Variants in PPFIA2 observed in about 807,000 individuals in gnomAD.
PPFIA2 encodes the protein PPFI scaffold protein A2.
In PPFIA2, 46 loss-of-function variants were observed where a neutral mutation model predicts 175.5. That is an observed-to-expected ratio of 0.26 (90% confidence interval 0.21 to 0.34). PPFIA2 has a LOEUF of 0.34. Among genes scored for constraint, PPFIA2 ranks in the 10% least tolerant of loss-of-function variants. PPFIA2 has a pLI of 1.00. For synonymous variants in PPFIA2, 568 were observed against 511.4 expected, an observed-to-expected ratio of 1.11 and a Z score of -1.49; for missense variants, 1,179 against 1,506.1, an observed-to-expected ratio of 0.78 and a Z score of 3.60.
intron 3 of PPFIA2, among the ~76,000 whole-genome samples, chr12:81,677,557 A>G (rs1285473307): frequency 6.6e-6 from 1 of 151,000 alleles, no homozygotes; most frequent in Non-Finnish European, 1.5e-5. Flanking sequence ...CCATGAGATC[A>G]TTTTTTTTTA....
chr12:81,432,631 G>T (rs1360329421), intron 7 of PPFIA2, among the ~76,000 whole-genome samples: 2 of 151,590 alleles, frequency 1.3e-5, no homozygotes, highest in African/African-American at 4.8e-5. Context: ...ATGCCCAGAT[G>T]ATTTTTGTAT....
At chr12:81,528,092 T>C (rs2063957865) in intron 4 of PPFIA2, among the ~76,000 whole-genome samples, 1 of 152,048 alleles carries the variant, frequency 6.6e-6, no homozygotes. Context: ...TTTATTCTAT[T>C]AACCTCATTA....
At chr12:81,274,238 G>T (rs923977593) in intron 28 of PPFIA2, among the ~76,000 whole-genome samples, 2 of 152,110 alleles carry the variant, frequency 1.3e-5, no homozygotes, top group African/African-American at 4.8e-5. Flanking sequence ...AAAAATGAAC[G>T]TGACAATGCT....
At chr12:81,510,908 G>A (rs1425658845) in intron 4 of PPFIA2, among the ~76,000 whole-genome samples, 3 of 152,088 alleles carry the variant, frequency 2.0e-5, no homozygotes, top group Non-Finnish European at 4.4e-5. Flanking sequence ...CAGGGAGGCT[G>A]ATGTGCAACT....
chr12:81,271,978 C>T (rs879298126), intron 28 of PPFIA2, among the ~76,000 whole-genome samples: 11 of 151,920 alleles, frequency 7.2e-5, no homozygotes, highest in Non-Finnish European at 1.2e-4. Context: ...TATTAATTCT[C>T]TCTTTACTAT....
At chr12:81,397,381 T>C (rs1429175136) in intron 8 of PPFIA2, among the ~76,000 whole-genome samples, 1 of 152,020 alleles carries the variant, frequency 6.6e-6, no homozygotes, top group African/African-American at 2.4e-5. Context: ...TAGATGGAGA[T>C]GTAGCCACTG....
intron 4 of PPFIA2, among the ~76,000 whole-genome samples, chr12:81,547,469 T>A (rs527944224): frequency 6.6e-6 from 1 of 151,982 alleles, no homozygotes; most frequent in South Asian, 2.1e-4. Context: ...TCTGCCTCCC[T>A]GGTTCAAGCG....
intron 7 of PPFIA2, chr12:81,431,032 A>T (rs1304132965): frequency 6.6e-6 from 1 of 152,200 alleles, no homozygotes; most frequent in Non-Finnish European, 1.5e-5. Flanking sequence ...TGGTAAATTC[A>T]GTGGTTGGAA....
chr12:81,664,634 C>T lies in PPFIA2; in HGVS notation c.303+12157G>A, dbSNP rs562865755. Among the ~76,000 whole-genome samples, 229 of 152,208 alleles carry T rather than the reference C, an allele frequency of 1.5e-3. 2 individuals are homozygous for T. The highest frequency in any genetic ancestry group is 5.3e-3 in the African/African-American group (220 of 41,476). ...CATTGTGGAAGTCACTGTGGCGATTCCTCAGGGATCTAGAACTAGAAATAC... is the reference window on the plus strand; with the variant it reads ...CATTGTGGAAGTCACTGTGGCGATTTCTCAGGGATCTAGAACTAGAAATAC... On this transcript the variant is annotated intron_variant, in intron 4 of 32. Coordinates refer to ENST00000549396, the MANE Select transcript of PPFIA2 (RefSeq NM_003625.5).
At chr12:81,551,089 C>CAG (rs10684249) in intron 4 of PPFIA2, among the ~76,000 whole-genome samples, 19,830 of 151,868 alleles carry the variant, frequency 0.13, 1,341 homozygotes, top group Middle Eastern at 0.19. Context: ...AGGATAAACA[C>CAG]ATTACAGTGA....
Position 81,405,771 on chromosome 12 carries a change from G to T in PPFIA2, c.762+16C>A. The T allele has an allele frequency of 3.0e-6, 4 of 1,342,254 alleles. No individual in the cohort carries two copies. Among genetic ancestry groups the T allele is most frequent in the Non-Finnish European group, 4.1e-6 (4 of 967,552 alleles). 83.1% of individuals were successfully genotyped at this position (1,342,254 alleles called of 1,614,324 possible). ...AGTAAACATTTCCATGTAAGAGCAT[G>T]TGGGGTGTGTCATACCTTCTCATGG... On this transcript the variant is annotated intron_variant, in intron 8 of 32. Transcript: ENST00000549396.
At chr12:81,646,442 C>T (rs1256459498) in intron 4 of PPFIA2, among the ~76,000 whole-genome samples, 1 of 152,138 alleles carries the variant, frequency 6.6e-6, no homozygotes, top group African/African-American at 2.4e-5. Flanking sequence ...CCAATCTCCC[C>T]TTTCCTTTGC....
intron 6 of PPFIA2, among the ~76,000 whole-genome samples, chr12:81,445,223 GGAGA>G (rs1191653426): frequency 1.8e-4 from 11 of 62,764 alleles, no homozygotes; most frequent in Non-Finnish European, 2.2e-4. Flanking sequence ...GGGGGAGGGG[GGAGA>G]GAGAGAGAGA....
In PPFIA2 at chr12:81,642,702, A is replaced by ATGTATATATAATATATACATACAT. The variant is rs1567687280; in HGVS notation, c.303+34088_303+34089insATGTATGTATATATTATATATACA. ...ATGTATCTATTATATACATACATGT[A>ATGTATATATAATATATACATACAT]TATGTATGTATGTATTATATACATA... On this transcript the variant is annotated intron_variant, in intron 4 of 32. Transcript: ENST00000549396. Among the ~76,000 whole-genome samples the ATGTATATATAATATATACATACAT allele has an allele frequency of 5.4e-4, 4 of 7,406 alleles. 1 individual carries two copies. In the South Asian group the frequency reaches 0.023, roughly 43 times the overall value. The allele number at this position is 7,406 out of a possible 152,430, so 4.9% of individuals were successfully genotyped here. A position where few individuals can be genotyped will look rare whatever the true frequency, so the allele number is the denominator to read the frequency against.
At position 81,353,064 on chromosome 12, in the gene PPFIA2, G is replaced by T; in HGVS notation, c.1994+55C>A. ...TTCTGATCTAGTAATTACATTTTTA[G>T]TACAGTATCAAGGTCTTCTAATTTC... On this transcript the variant is annotated intron_variant, in intron 17 of 32. Coordinates refer to ENST00000549396, the MANE Select transcript of PPFIA2 (RefSeq NM_003625.5). The T allele has an allele frequency of 6.1e-6, 9 of 1,486,194 alleles. No individual in the cohort carries two copies. The South Asian group carries it at 9.1e-5, about 15-fold the overall frequency. The allele number at this position is 1,486,194 out of a possible 1,614,324, so 92.1% of individuals were successfully genotyped here.
At chr12:81,676,118 T>G (rs2072462895) in intron 4 of PPFIA2, among the ~76,000 whole-genome samples, 1 of 152,056 alleles carries the variant, frequency 6.6e-6, no homozygotes, top group Non-Finnish European at 1.5e-5. Context: ...AAAAAGCAAG[T>G]AATGACAAAA....
intron 4 of PPFIA2, among the ~76,000 whole-genome samples, chr12:81,476,476 CAT>C (rs2057488788): frequency 1.3e-5 from 2 of 152,196 alleles, no homozygotes; most frequent in South Asian, 4.1e-4. Flanking sequence ...TTGTGAGACA[CAT>C]GATTAAATGT....
intron 4 of PPFIA2, among the ~76,000 whole-genome samples, chr12:81,602,437 G>GA (rs1233035840): frequency 6.6e-6 from 1 of 151,658 alleles, no homozygotes; most frequent in Non-Finnish European, 1.5e-5. Context: ...AGATGGAAAA[G>GA]AAAAAAGGTT....
At chr12:81,329,589 G>A (rs1035868584) in intron 21 of PPFIA2, among the ~76,000 whole-genome samples, 5 of 152,022 alleles carry the variant, frequency 3.3e-5, no homozygotes, top group Non-Finnish European at 5.9e-5. Flanking sequence ...CAGTGGGAGC[G>A]AGGGATCCAA....
Sources: gnomAD v4.1 joint callset for allele counts (sites outside exome capture counted in the v4.1 genomes callset) on GRCh38, gnomAD v4.1.1 for gene constraint, MANE v1.5 for transcripts, NCBI Gene and HGNC (gene_info 2026-07-23, HGNC 2026-07-21) for gene names.